The following CAST variants were observed in gnomAD, a reference collection of about 807,000 sequenced individuals.
The protein encoded by CAST is calpastatin, also known as MIR583 host.
A neutral mutation model predicts 119.6 loss-of-function variants in CAST; 76 were observed. The ratio of observed to expected loss-of-function variants is 0.64; its 90% confidence interval spans 0.53 to 0.77. The LOEUF is 0.77. Among genes scored for constraint, CAST ranks in the 30% least tolerant of loss-of-function variants. The pLI, the probability that CAST is intolerant of heterozygous loss-of-function variation, is 0.00. For missense variants in CAST, 953 were observed against 946.5 expected (o/e 1.01, Z -0.09); for synonymous variants, 319 against 331.6 (o/e 0.96, Z 0.41).
chr5:96,452,239 C>T, the CAST span, among the ~76,000 whole-genome samples: 1 of 152,094 alleles, frequency 6.6e-6, no homozygotes, highest in Non-Finnish European at 1.5e-5. Flanking sequence ...TTGGAACCAA[C>T]CCAAATGCCC....
At chr5:96,452,610 C>G in the CAST span, among the ~76,000 whole-genome samples, 9 of 135,028 alleles carry the variant, frequency 6.7e-5, no homozygotes, top group African/African-American at 2.3e-4. Flanking sequence ...CCTGCACATT[C>G]TGCACAGGTG....
At chr5:96,533,640 C>T (rs1745732041) in intron 1 of CAST, among the ~76,000 whole-genome samples, 1 of 152,128 alleles carries the variant, frequency 6.6e-6, no homozygotes, top group African/African-American at 2.4e-5. Context: ...ATGTAGGCTC[C>T]AAATTTTCGG....
chr5:96,208,424 T>C, the CAST span, among the ~76,000 whole-genome samples: 1 of 151,960 alleles, frequency 6.6e-6, no homozygotes, highest in South Asian at 2.1e-4. Context: ...AGGTTACTAA[T>C]ATGAATGAGA....
At chr5:96,045,017 C>T in the CAST span, among the ~76,000 whole-genome samples, 2 of 152,238 alleles carry the variant, frequency 1.3e-5, no homozygotes, top group Non-Finnish European at 2.9e-5. Context: ...GTTTTTATTT[C>T]TTAATATGGC....
chr5:95,978,120 T>G, the CAST span, among the ~76,000 whole-genome samples: 2 of 152,180 alleles, frequency 1.3e-5, no homozygotes, highest in African/African-American at 2.4e-5. Context: ...CGTGTGCATG[T>G]GTCTCTATGA....
chr5:96,590,840 C>T (rs556181497), intron 1 of CAST, among the ~76,000 whole-genome samples: 3 of 152,064 alleles, frequency 2.0e-5, no homozygotes, highest in South Asian at 2.1e-4. Flanking sequence ...AAAAATGATT[C>T]GTCAATTAAA....
chr5:96,353,238 A>G, the CAST span, among the ~76,000 whole-genome samples: 1 of 152,158 alleles, frequency 6.6e-6, no homozygotes, highest in Non-Finnish European at 1.5e-5. Context: ...TAGATGGGGG[A>G]TGTAGGAAAG....
chr5:96,412,449 C>G, the CAST span: 1 of 1,613,826 alleles, frequency 6.2e-7, no homozygotes, highest in Non-Finnish European at 8.5e-7. Context: ...ATTGAACTGG[C>G]CTCAATAGCA....
intron 1 of CAST, among the ~76,000 whole-genome samples, chr5:96,644,917 G>A (rs554310778): frequency 3.3e-5 from 5 of 152,166 alleles, no homozygotes; most frequent in East Asian, 1.9e-4. Flanking sequence ...CAGAGGTTGC[G>A]GTGAGCCAAG....
At chr5:96,299,420 A>G in the CAST span, among the ~76,000 whole-genome samples, 2 of 152,038 alleles carry the variant, frequency 1.3e-5, no homozygotes, top group Admixed American at 1.3e-4. Context: ...GTGGTTAGCC[A>G]TGGCTTCTAG....
chr5:96,209,414 A>G, the CAST span, among the ~76,000 whole-genome samples: 1 of 151,898 alleles, frequency 6.6e-6, no homozygotes, highest in Non-Finnish European at 1.5e-5. Context: ...TATAGTGTCA[A>G]TGGTCTATGA....
At chr5:96,666,619 G>A (rs1355616320) in intron 1 of CAST, among the ~76,000 whole-genome samples, 1 of 152,238 alleles carries the variant, frequency 6.6e-6, no homozygotes, top group Non-Finnish European at 1.5e-5. Flanking sequence ...ATAGACTTTA[G>A]GGTAATGGAA....
chr5:96,702,702 C>A, intron 3 of CAST: 4 of 860,674 alleles, frequency 4.6e-6, no homozygotes, highest in Non-Finnish European at 5.6e-6. Flanking sequence ...CGGAGCGGGA[C>A]CTCCCTCCCC....
chr5:96,219,735 GGGAAGGAAGGAAGGCAGGCAGGCA>G, the CAST span, among the ~76,000 whole-genome samples: 1 of 150,998 alleles, frequency 6.6e-6, no homozygotes, highest in Non-Finnish European at 1.5e-5. Context: ...AAGCAAGAAA[GGGAAGGAAGGAAGGCAGGCAGGCA>G]GGAAGGAAGG....
rs1017264321 is a variant in CAST at position 96,754,703 on chromosome 5, G to A, written c.1672G>A (p.Glu558Lys). The change falls in exon 22 of 32, where the codon GAA becomes AAA. Residue 558 changes from glutamate to lysine, a missense_variant. By Grantham distance (56) the Glu-to-Lys change is moderately conservative. Transcript: ENST00000675179. Reference protein sequence around the residue: ...EDREKLGEKEETIPPDYRLEE... With the variant: ...EDREKLGEKEKTIPPDYRLEE... ...CCGTGAAAAGCTTGGTGAAAAAGAA[G>A]AAACAATTCCTCCTGATTATAGATT... is the stretch of plus-strand genomic sequence containing the variant. 11 of 1,610,052 alleles carry A rather than the reference G, an allele frequency of 6.8e-6. No homozygotes were observed. Among genetic ancestry groups the A allele is most frequent in the Non-Finnish European group, 5.9e-6 (7 of 1,176,864 alleles).
the CAST span, among the ~76,000 whole-genome samples, chr5:95,971,487 C>A: frequency 6.6e-6 from 1 of 152,090 alleles, no homozygotes; most frequent in African/African-American, 2.4e-5. Context: ...TTTTAATTTA[C>A]ATACAGTAAA....
the CAST span, among the ~76,000 whole-genome samples, chr5:96,445,871 C>A: frequency 6.6e-6 from 1 of 152,136 alleles, no homozygotes; most frequent in Non-Finnish European, 1.5e-5. Context: ...TCTTTTGAGG[C>A]AGGGTCTTAC....
the CAST span, among the ~76,000 whole-genome samples, chr5:96,205,357 G>A: frequency 6.6e-6 from 1 of 152,010 alleles, no homozygotes; most frequent in African/African-American, 2.4e-5. Context: ...ACATTTGCAG[G>A]TTTGTTCTGT....
the CAST span, among the ~76,000 whole-genome samples, chr5:96,038,616 G>A: frequency 6.8e-6 from 1 of 146,616 alleles, no homozygotes; most frequent in East Asian, 2.1e-4. Context: ...GTGAGAACAT[G>A]CGGTGTTTGC....
Sources: gnomAD v4.1 joint callset for allele counts (sites outside exome capture counted in the v4.1 genomes callset) on GRCh38, gnomAD v4.1.1 for gene constraint, MANE v1.5 for transcripts, NCBI Gene and HGNC (gene_info 2026-07-23, HGNC 2026-07-21) for gene names.